MYO1H: variants seen among roughly 807,000 people sequenced by gnomAD.
The protein encoded by MYO1H is unconventional myosin-Ih.
Under a neutral mutation model 149.3 loss-of-function variants are expected in MYO1H, and 118 were observed. That is an observed-to-expected ratio of 0.79 (90% confidence interval 0.68 to 0.92). The LOEUF (loss-of-function observed/expected upper bound fraction) is 0.92. Among genes scored for constraint, MYO1H ranks in the 40% least tolerant of loss-of-function variants. The pLI is 0.00. For synonymous variants in MYO1H, 447 were observed against 465.2 expected (o/e 0.96, Z 0.50); for missense variants, 1,212 against 1,280.7 (o/e 0.95, Z 0.82).
At chr12:109,417,934 G>A (rs371717433) in intron 15 of MYO1H, among the ~76,000 whole-genome samples, 2 of 151,878 alleles carry the variant, frequency 1.3e-5, no homozygotes, top group South Asian at 4.2e-4. Context: ...TCCTGCCTCA[G>A]CCTCCCGAGT....
chr12:109,355,684 T>TGG (rs1868575848), intron 1 of MYO1H, among the ~76,000 whole-genome samples: 2 of 151,858 alleles, frequency 1.3e-5, no homozygotes, highest in African/African-American at 4.8e-5. Flanking sequence ...TGTTTTTGTT[T>TGG]TGTTTTGTTT....
chr12:109,431,735 A>T (rs1174607252), intron 19 of MYO1H, among the ~76,000 whole-genome samples: 1 of 152,204 alleles, frequency 6.6e-6, no homozygotes, highest in African/African-American at 2.4e-5. Context: ...GCAGGGTAGA[A>T]GGGAACTGCA....
At position 109,445,512 on chromosome 12, in the gene MYO1H, G is replaced by A; in HGVS notation, c.2994-1G>A. 6.2e-7 allele frequency: 1 copy of A among 1,605,950 alleles called. No individual in the cohort carries two copies. Among genetic ancestry groups the A allele is most frequent in the Non-Finnish European group, 8.5e-7 (1 of 1,174,430 alleles). ...TAATGTGTCACTTTGTGTATTTTAA[G>A]TTTACAGTTTTTTATTAGTCCGGGA... On this transcript the variant is annotated splice_acceptor_variant, in intron 30 of 31. Coordinates refer to ENST00000310903, the Ensembl canonical transcript of MYO1H. LOFTEE classifies it high-confidence loss of function.
At chr12:109,395,571 T>C (rs554511285) in intron 3 of MYO1H, among the ~76,000 whole-genome samples, 240 of 151,248 alleles carry the variant, frequency 1.6e-3, no homozygotes, top group Non-Finnish European at 2.3e-3. Context: ...CCGTCTCTAC[T>C]AAAAATAAAA....
At chr12:109,410,113 C>G (rs561512172) in intron 12 of MYO1H, 45 bp downstream of exon 12, 1 of 925,710 alleles carries the variant, frequency 1.1e-6, no homozygotes, top group South Asian at 2.4e-5. Context: ...CTTCATCTAG[C>G]TAAAGACTTC....
chr12:109,345,678 C>CA (rs2048100611), upstream of MYO1H, among the ~76,000 whole-genome samples: 1 of 151,998 alleles, frequency 6.6e-6, no homozygotes, highest in South Asian at 2.1e-4. Context: ...GCATTATTTG[C>CA]AATAGCCAAA....
chr12:109,425,552 T>A (rs1871323057), intron 17 of MYO1H, among the ~76,000 whole-genome samples: 1 of 151,572 alleles, frequency 6.6e-6, no homozygotes, highest in Non-Finnish European at 1.5e-5. Flanking sequence ...TGGGAGAGAG[T>A]ATAAGAAAAT....
At chr12:109,340,813 A>G in the MYO1H span, among the ~76,000 whole-genome samples, 1 of 152,180 alleles carries the variant, frequency 6.6e-6, no homozygotes, top group Non-Finnish European at 1.5e-5. Context: ...TTGCATATGC[A>G]TGTTCAATAG....
At chr12:109,415,258 C>T (rs1203015289) in intron 14 of MYO1H, among the ~76,000 whole-genome samples, 2 of 152,010 alleles carry the variant, frequency 1.3e-5, no homozygotes, top group African/African-American at 4.8e-5. Flanking sequence ...AGGCAGATCA[C>T]GAGGTCAGGA....
At chr12:109,355,027 C>T (rs1323687097) in intron 1 of MYO1H, among the ~76,000 whole-genome samples, 1 of 152,152 alleles carries the variant, frequency 6.6e-6, no homozygotes, top group Non-Finnish European at 1.5e-5. Flanking sequence ...TGGAAAAATT[C>T]TAATAAGGTC....
chr12:109,397,668 G>T, intron 4 of MYO1H, 64 bp from the exon 5 acceptor site: 1 of 1,302,338 alleles, frequency 7.7e-7, no homozygotes, highest in South Asian at 1.4e-5. Context: ...TGTATTATTT[G>T]GGGTCAGGAA....
In MYO1H at chr12:109,367,537, A is replaced by G. The variant is rs151223146; in HGVS notation, c.12+19565A>G. On this transcript the variant is annotated intron_variant, in intron 1 of 31. Transcript: ENST00000310903. ...AATCTTTTATATTTATTTATTATTCATGTATTTATTTATTTATTTATTTAC... is the reference window on the plus strand; with the variant it reads ...AATCTTTTATATTTATTTATTATTCGTGTATTTATTTATTTATTTATTTAC... Among the ~76,000 whole-genome samples, 757 of 151,840 alleles carry G rather than the reference A, an allele frequency of 5.0e-3. 7 individuals carry two copies. The highest frequency in any genetic ancestry group is 0.017 in the African/African-American group (718 of 41,388).
the MYO1H span, among the ~76,000 whole-genome samples, chr12:109,327,128 C>CTTTTTTTTTTTTTTTTTTTTTT: frequency 9.6e-6 from 1 of 103,692 alleles, no homozygotes; most frequent in African/African-American, 4.2e-5. Context: ...TTTTCTTTTT[C>CTTTTTTTTTTTTTTTTTTTTTT]TTTTTCTTTT....
the MYO1H span, among the ~76,000 whole-genome samples, chr12:109,311,993 T>C: frequency 1.3e-5 from 2 of 152,366 alleles, no homozygotes; most frequent in African/African-American, 4.8e-5. Flanking sequence ...TGATCTGTTA[T>C]CTGCATGGTC....
At chr12:109,340,059 A>G in the MYO1H span, among the ~76,000 whole-genome samples, 17,346 of 152,048 alleles carry the variant, frequency 0.11, 1,072 homozygotes, top group Middle Eastern at 0.16. Flanking sequence ...CAATTTAAAC[A>G]CTAACCTCTG....
intron 7 of MYO1H, among the ~76,000 whole-genome samples, chr12:109,405,283 T>C (rs1315150090): frequency 2.0e-5 from 3 of 152,136 alleles, no homozygotes; most frequent in African/African-American, 7.2e-5. Context: ...CGTTCATTAG[T>C]GAGGTTTATT....
At position 109,391,166 on chromosome 12, in the gene MYO1H, G is replaced by T. The variant is rs189644160; in HGVS notation, c.175-2165G>T. On this transcript the variant is annotated intron_variant, in intron 2 of 31. Transcript: ENST00000310903. Reference sequence around the variant, plus strand: ...ACGTGCTGTGGTGGTTTGCTGCACAGATCATCCCATCACCAAGGTATTAAG... The same window carrying T: ...ACGTGCTGTGGTGGTTTGCTGCACATATCATCCCATCACCAAGGTATTAAG... 1.4e-3 allele frequency among the ~76,000 whole-genome samples: 219 copies of T among 152,272 alleles called. 1 individual carries two copies. Among genetic ancestry groups the T allele is most frequent in the African/African-American group, 5.1e-3 (211 of 41,562 alleles).
intron 27 of MYO1H, 44 bp from the exon 28 acceptor site, chr12:109,443,470 T>G: frequency 6.2e-7 from 1 of 1,602,110 alleles, no homozygotes; most frequent in Non-Finnish European, 8.5e-7. Flanking sequence ...AGAAACTCGG[T>G]ACTCTGCCCC....
the MYO1H span, among the ~76,000 whole-genome samples, chr12:109,335,257 G>A: frequency 0.36 from 54,186 of 151,924 alleles, 10,234 homozygotes; most frequent in Admixed American, 0.46. Context: ...GGAACTTACA[G>A]TCATGGCAGA....
Sources: allele counts gnomAD v4.1 joint callset (sites outside exome capture counted in the v4.1 genomes callset), GRCh38; gene constraint gnomAD v4.1.1; transcripts MANE v1.5; gene names NCBI Gene and HGNC (gene_info 2026-07-23, HGNC 2026-07-21).